Variants in GPR39 observed in about 807,000 individuals in gnomAD.
The protein encoded by GPR39 is G protein-coupled receptor 39.
A neutral mutation model predicts 18.4 loss-of-function variants in GPR39; 23 were observed. That is an observed-to-expected ratio of 1.25 (90% CI 0.90 to 1.77). GPR39 has a LOEUF of 1.77. Ranked by LOEUF, GPR39 falls within the 40% of genes most tolerant of loss-of-function variation. The pLI, the probability that GPR39 is intolerant of heterozygous loss-of-function variation, is 0.00. For synonymous variants in GPR39, 280 were observed against 257.9 expected (o/e 1.09, Z -0.82); for missense variants, 647 against 602.4 (o/e 1.07, Z -0.78).
intron 1 of GPR39, among the ~76,000 whole-genome samples, chr2:132,624,202 C>T (rs892489201): frequency 6.6e-6 from 1 of 152,182 alleles, no homozygotes; most frequent in Admixed American, 6.5e-5. Flanking sequence ...TGGCCCTCTT[C>T]TCCCTGTGTC....
chr2:132,570,092 G>C (rs1680416132), intron 1 of GPR39, among the ~76,000 whole-genome samples: 1 of 152,198 alleles, frequency 6.6e-6, no homozygotes, highest in African/African-American at 2.4e-5. Flanking sequence ...AGTTGGCCCT[G>C]AGTGGTTCAC....
chr2:132,529,097 C>T (rs929632052), intron 1 of GPR39, among the ~76,000 whole-genome samples: 2 of 152,162 alleles, frequency 1.3e-5, no homozygotes, highest in African/African-American at 4.8e-5. Flanking sequence ...CAGGGAATTC[C>T]CTTTCCTAGT....
intron 1 of GPR39, among the ~76,000 whole-genome samples, chr2:132,446,791 T>C (rs1680545360): frequency 6.6e-6 from 1 of 151,830 alleles, no homozygotes; most frequent in Non-Finnish European, 1.5e-5. Context: ...GGGATGGGGC[T>C]GCAATGAGGG....
chr2:132,530,790 GA>G (rs989393505), intron 1 of GPR39, among the ~76,000 whole-genome samples: 2 of 152,118 alleles, frequency 1.3e-5, no homozygotes, highest in Non-Finnish European at 2.9e-5. Context: ...ATCCTTTACA[GA>G]CAAGCAAATG....
At chr2:132,616,037 C>T (rs534723595) in intron 1 of GPR39, among the ~76,000 whole-genome samples, 16 of 152,046 alleles carry the variant, frequency 1.1e-4, no homozygotes, top group African/African-American at 2.9e-4. Context: ...AACAGCCTCC[C>T]TCCCTCCTGC....
intron 1 of GPR39, among the ~76,000 whole-genome samples, chr2:132,547,810 A>C (rs2104791791): frequency 6.6e-6 from 1 of 152,364 alleles, no homozygotes; most frequent in South Asian, 2.1e-4. Flanking sequence ...AAGAAGTATC[A>C]GATTTTCCTG....
chr2:132,607,425 G>T (rs1193211131), intron 1 of GPR39, among the ~76,000 whole-genome samples: 3 of 152,120 alleles, frequency 2.0e-5, no homozygotes, highest in African/African-American at 7.2e-5. Flanking sequence ...GAGTAGGTGG[G>T]GTAGCTCTAG....
chr2:132,435,889 G>C (rs2104761806), intron 1 of GPR39, among the ~76,000 whole-genome samples: 1 of 152,306 alleles, frequency 6.6e-6, no homozygotes, highest in South Asian at 2.1e-4. Flanking sequence ...TAGTAAAGAT[G>C]CATGGACATT....
intron 1 of GPR39, among the ~76,000 whole-genome samples, chr2:132,531,707 G>A (rs1411693097): frequency 3.3e-5 from 5 of 152,290 alleles, no homozygotes; most frequent in East Asian, 3.9e-4. Flanking sequence ...ACTCAAAACT[G>A]CTCAACTACA....
intron 1 of GPR39, among the ~76,000 whole-genome samples, chr2:132,530,029 A>G (rs1344964581): frequency 6.6e-6 from 1 of 152,162 alleles, no homozygotes; most frequent in Admixed American, 6.5e-5. Flanking sequence ...TTGAGAGAAG[A>G]AGCCTTCAGA....
chr2:132,612,286 TGACACCCCC>T (rs1295157004), intron 1 of GPR39, among the ~76,000 whole-genome samples: 1 of 152,176 alleles, frequency 6.6e-6, no homozygotes, highest in Non-Finnish European at 1.5e-5. Context: ...TCTGCTCTTT[TGACACCCCC>T]TCAACAGCCT....
intron 1 of GPR39, among the ~76,000 whole-genome samples, chr2:132,634,465 G>A (rs1681713047): frequency 6.6e-6 from 1 of 152,174 alleles, no homozygotes; most frequent in Admixed American, 6.5e-5. Flanking sequence ...TAGGCATAAG[G>A]AGGGAGGGGA....
At chr2:132,487,204 A>G (rs547988498) in intron 1 of GPR39, among the ~76,000 whole-genome samples, 1 of 152,326 alleles carries the variant, frequency 6.6e-6, no homozygotes, top group East Asian at 1.9e-4. Flanking sequence ...TACAATAGTA[A>G]CAGCATATAT....
At chr2:132,583,756 C>T (rs1179785626) in intron 1 of GPR39, among the ~76,000 whole-genome samples, 1 of 150,840 alleles carries the variant, frequency 6.6e-6, no homozygotes, top group Non-Finnish European at 1.5e-5. Flanking sequence ...GCTAGAATCA[C>T]TGGGAGGCGC....
intron 1 of GPR39, among the ~76,000 whole-genome samples, chr2:132,614,189 TTTTTG>T (rs1238637998): frequency 1.4e-5 from 2 of 147,834 alleles, no homozygotes; most frequent in South Asian, 4.3e-4. Flanking sequence ...TTTTTTTTTG[TTTTTG>T]TTTTGTTTTG....
intron 1 of GPR39, among the ~76,000 whole-genome samples, chr2:132,630,751 C>A (rs1681636220): frequency 6.6e-6 from 1 of 151,952 alleles, no homozygotes; most frequent in African/African-American, 2.4e-5. Flanking sequence ...GTATAACTGG[C>A]AAGCTTAGGG....
intron 1 of GPR39, among the ~76,000 whole-genome samples, chr2:132,588,443 T>C (rs1680769547): frequency 6.6e-6 from 1 of 152,214 alleles, no homozygotes; most frequent in Non-Finnish European, 1.5e-5. Context: ...TGAGAATGTC[T>C]TGTTTCTGCT....
chr2:132,519,496 A>G (rs563640590), intron 1 of GPR39, among the ~76,000 whole-genome samples: 21 of 152,306 alleles, frequency 1.4e-4, no homozygotes, highest in Admixed American at 4.6e-4. Context: ...TAATTGTTTA[A>G]TATTGTAAAT....
At chr2:132,535,380 T>C (rs1369084493) in intron 1 of GPR39, among the ~76,000 whole-genome samples, 3 of 152,226 alleles carry the variant, frequency 2.0e-5, no homozygotes, top group African/African-American at 7.2e-5. Flanking sequence ...TTGATTTGTG[T>C]ATGTTGAACC....
Sources: allele counts gnomAD v4.1 joint callset (sites outside exome capture counted in the v4.1 genomes callset), GRCh38; gene constraint gnomAD v4.1.1; transcripts MANE v1.5; gene names NCBI Gene and HGNC (gene_info 2026-07-23, HGNC 2026-07-21).